Variants in APBA2 observed in about 807,000 individuals in gnomAD.
The protein encoded by APBA2 is amyloid-beta A4 precursor protein-binding family A member 2.
In APBA2, 30 loss-of-function variants were observed where a neutral mutation model predicts 75.0. The observed-to-expected ratio is 0.40, with a 90% CI of 0.30 to 0.54. The LOEUF (loss-of-function observed/expected upper bound fraction) is 0.54, where lower values mean the gene tolerates loss of function less well. Among genes scored for constraint, APBA2 ranks in the 20% least tolerant of loss-of-function variants. APBA2 has a pLI of 0.49. For synonymous variants in APBA2, 444 were observed against 409.6 expected (o/e 1.08, Z -1.01); for missense variants, 801 against 1,016.1 (o/e 0.79, Z 2.88).
intron 6 of APBA2, among the ~76,000 whole-genome samples, chr15:29,082,170 T>C (rs56186447): frequency 0.036 from 5,431 of 152,328 alleles, 216 homozygotes; most frequent in African/African-American, 0.093. Context: ...GTTTTTCTTT[T>C]CAGTGCACTG....
chr15:28,934,932 C>T (rs1367118242), intron 2 of APBA2, among the ~76,000 whole-genome samples: 1 of 152,180 alleles, frequency 6.6e-6, no homozygotes, highest in Non-Finnish European at 1.5e-5. Flanking sequence ...GTGTCCTCTG[C>T]TCTGTTGTAC....
intron 3 of APBA2, among the ~76,000 whole-genome samples, chr15:28,996,666 A>G (rs1224119077): frequency 6.6e-6 from 1 of 152,128 alleles, no homozygotes; most frequent in Non-Finnish European, 1.5e-5. Context: ...GGAGTTAAAG[A>G]AGCAGAGCCA....
chr15:28,910,503 T>C (rs2033379678), intron 1 of APBA2, among the ~76,000 whole-genome samples: 1 of 152,214 alleles, frequency 6.6e-6, no homozygotes, highest in South Asian at 2.1e-4. Context: ...TTCAAGGTCT[T>C]GTGTCACAGG....
At chr15:28,908,598 T>C (rs1346780478) in intron 1 of APBA2, among the ~76,000 whole-genome samples, 1 of 152,008 alleles carries the variant, frequency 6.6e-6, no homozygotes, top group Non-Finnish European at 1.5e-5. Context: ...CGTGAGCCAC[T>C]GCACCAGGCC....
chr15:29,076,222 G>A, intron 6 of APBA2, 131 bp downstream of exon 6: 1 of 1,002,236 alleles, frequency 1.0e-6, no homozygotes, highest in Non-Finnish European at 1.6e-6. Flanking sequence ...AAGGTGCTTG[G>A]CCATTGTCTG....
chr15:29,029,681 C>T (rs183541124), intron 3 of APBA2, among the ~76,000 whole-genome samples: 1 of 152,108 alleles, frequency 6.6e-6, no homozygotes, highest in African/African-American at 2.4e-5. Flanking sequence ...GGAGGGGGAC[C>T]TAAGCAGGGG....
chr15:29,065,837 A>T (rs1194365339), intron 4 of APBA2, among the ~76,000 whole-genome samples: 1 of 152,178 alleles, frequency 6.6e-6, no homozygotes, highest in Non-Finnish European at 1.5e-5. Flanking sequence ...TTTAAGAGAC[A>T]CTGGGTGCTG....
intron 6 of APBA2, among the ~76,000 whole-genome samples, chr15:29,078,123 C>A (rs1217325642): frequency 1.3e-5 from 2 of 149,010 alleles, no homozygotes; most frequent in East Asian, 2.0e-4. Flanking sequence ...GGTGAAACCC[C>A]GTCTGTACTA....
chr15:29,107,605 G>A lies in APBA2; in HGVS notation c.1918-665G>A, dbSNP rs1316651518. On this transcript the variant is annotated intron_variant, in intron 12 of 14. Coordinates refer to ENST00000683413, the MANE Select transcript of APBA2 (RefSeq NM_001353788.2). ...AGCTGGCCCGGCAGAGCGTCTGCCC[G>A]ATGGGCAGCCACACAGAGAGACATG... is the stretch of plus-strand genomic sequence containing the variant. 2.6e-5 allele frequency among the ~76,000 whole-genome samples: 4 copies of A among 152,186 alleles called. No homozygotes were observed. The East Asian group carries it at 5.8e-4, about 22-fold the overall frequency.
intron 2 of APBA2, among the ~76,000 whole-genome samples, chr15:28,933,683 G>A (rs1004420953): frequency 2.0e-5 from 3 of 152,176 alleles, no homozygotes; most frequent in Admixed American, 1.3e-4. Context: ...GGTTTTATTG[G>A]TCCAAAGTCA....
chr15:28,954,727 G>A (rs1443848074), intron 2 of APBA2, among the ~76,000 whole-genome samples: 1 of 152,184 alleles, frequency 6.6e-6, no homozygotes, highest in African/African-American at 2.4e-5. Flanking sequence ...ACATCTAGGA[G>A]TGAGGGCCTC....
chr15:29,053,890 C>A lies in APBA2; in HGVS notation c.6C>A (p.Ala2=). 1 of 1,610,804 alleles carries A rather than the reference C, an allele frequency of 6.2e-7. No individual in the cohort carries two copies. The highest frequency in any genetic ancestry group is 8.5e-7 in the Non-Finnish European group (1 of 1,177,494). The change falls in exon 4 of 15, where the codon GCC becomes GCA. Residue 2 remains alanine, a synonymous_variant. Transcript: ENST00000683413. ...TGGCTGTGTGAACGACTGCCATGGC[C>A]CACCGGAAGCTTGAGAGCGTGGGGA... M[A]HRKLESVGSG... is the part of the protein sequence containing the mutation.
chr15:29,054,190 C>T lies in APBA2; in HGVS notation c.306C>T (p.Arg102=), dbSNP rs756027509. 2 of 1,614,220 alleles carry T rather than the reference C, an allele frequency of 1.2e-6. No individual in the cohort carries two copies. The highest frequency in any genetic ancestry group is 2.2e-5 in the East Asian group (1 of 44,874). ...AGGAGGGCATCACCTACTACATCCG[C>T]TACTGCCCTGAGGACGACAGCTACC... ...EEEEGITYYI[R]YCPEDDSYLE... Residue 102 remains arginine, a synonymous_variant, in exon 4 of 15, where the codon CGC becomes CGT. Transcript: ENST00000683413. The surrounding 1 kb of genome is among the most constrained non-coding windows in gnomAD (Gnocchi z 6.1).
intron 6 of APBA2, among the ~76,000 whole-genome samples, chr15:29,081,922 G>A (rs2043099727): frequency 6.6e-6 from 1 of 152,232 alleles, no homozygotes. Context: ...GTACAGGCCA[G>A]GAGCACAGCA....
intron 4 of APBA2, among the ~76,000 whole-genome samples, chr15:29,074,470 A>G (rs1277763712): frequency 2.0e-5 from 3 of 152,198 alleles, no homozygotes; most frequent in African/African-American, 7.2e-5. Context: ...AACAGAAAGT[A>G]GAATGGTGGT....
chr15:29,056,360 G>A lies in APBA2; in HGVS notation c.951+1525G>A, dbSNP rs564387870. 1.3e-4 allele frequency among the ~76,000 whole-genome samples: 20 copies of A among 152,198 alleles called. No homozygotes were observed. The South Asian group carries it at 3.7e-3, about 28-fold the overall frequency. On this transcript the variant is annotated intron_variant, in intron 4 of 14. Transcript: ENST00000683413. ...GGGGAAGTCCCCAGCCATTGTGGAG[G>A]ATCAAGAGGATGTCTGTTCTTCCCA...
intron 1 of APBA2, among the ~76,000 whole-genome samples, chr15:28,897,617 C>CA (rs370287342): frequency 0.068 from 5,354 of 78,584 alleles, 620 homozygotes; most frequent in African/African-American, 0.23. Flanking sequence ...GATTCCGTCT[C>CA]AAAAAAAAAA....
At chr15:28,907,694 C>G (rs1285592921) in intron 1 of APBA2, among the ~76,000 whole-genome samples, 1 of 150,968 alleles carries the variant, frequency 6.6e-6, no homozygotes, top group Admixed American at 6.6e-5. Context: ...AGCTTGCGTC[C>G]CATCATAGAT....
chr15:29,054,173 A>G lies in APBA2; in HGVS notation c.289A>G (p.Ile97Val), dbSNP rs2041756198. ...DEGLPEEEEG[I>V]TYYIRYCPED... Reference sequence around the variant, plus strand: ...GGGCCTCCCTGAGGAGGAGGAGGGCATCACCTACTACATCCGCTACTGCCC... The same window carrying G: ...GGGCCTCCCTGAGGAGGAGGAGGGCGTCACCTACTACATCCGCTACTGCCC... Residue 97 changes from isoleucine to valine, a missense_variant, in exon 4 of 15, where the codon ATC becomes GTC. Transcript: ENST00000683413. The surrounding 1 kb of genome is among the most constrained non-coding windows in gnomAD (Gnocchi z 6.1). 11 of 1,614,170 alleles carry G rather than the reference A, an allele frequency of 6.8e-6. No individual in the cohort carries two copies. Among genetic ancestry groups the G allele is most frequent in the Non-Finnish European group, 8.5e-6 (10 of 1,180,032 alleles).
Sources: allele counts gnomAD v4.1 joint callset (sites outside exome capture counted in the v4.1 genomes callset), GRCh38; gene constraint gnomAD v4.1.1; non-coding constraint Gnocchi (gnomAD v3.1); transcripts MANE v1.5; gene names NCBI Gene and HGNC (gene_info 2026-07-23, HGNC 2026-07-21).